The following SNCAIP variants were observed in gnomAD, a reference collection of about 807,000 sequenced individuals.
The protein encoded by SNCAIP is synuclein alpha interacting protein.
Under a neutral mutation model 86.7 loss-of-function variants are expected in SNCAIP, and 43 were observed. The ratio of observed to expected loss-of-function variants is 0.50; its 90% CI spans 0.39 to 0.64. The LOEUF is 0.64. SNCAIP is among the 30% of genes least tolerant of loss of function. The pLI is 0.00. For synonymous variants in SNCAIP, 417 were observed against 427.2 expected (o/e 0.98, Z 0.29); for missense variants, 981 against 1,103.1 (o/e 0.89, Z 1.57).
At chr5:122,317,898 T>C (rs1469825360) in intron 1 of SNCAIP, among the ~76,000 whole-genome samples, 1 of 152,038 alleles carries the variant, frequency 6.6e-6, no homozygotes, top group African/African-American at 2.4e-5. Context: ...TCCTTTCATG[T>C]TTCACTCTTC....
At chr5:122,374,148 A>G (rs1374014687) in intron 1 of SNCAIP, among the ~76,000 whole-genome samples, 2 of 152,130 alleles carry the variant, frequency 1.3e-5, no homozygotes, top group Non-Finnish European at 2.9e-5. Flanking sequence ...TCCTCCTTTC[A>G]GAGAGAAAGA....
intron 10 of SNCAIP, chr5:122,454,383 C>T (rs1189140498): frequency 6.6e-6 from 1 of 152,650 alleles, no homozygotes; most frequent in Non-Finnish European, 1.5e-5. Context: ...AACCTTGGAG[C>T]TTCAATATTT....
At chr5:122,380,331 C>G (rs368409490) in intron 1 of SNCAIP, among the ~76,000 whole-genome samples, 4 of 152,182 alleles carry the variant, frequency 2.6e-5, no homozygotes, top group East Asian at 1.9e-4. Context: ...TTTGCATAGA[C>G]GTGTTTGTAG....
At chr5:122,361,291 G>T (rs921316232) in intron 1 of SNCAIP, among the ~76,000 whole-genome samples, 4 of 151,714 alleles carry the variant, frequency 2.6e-5, no homozygotes, top group Non-Finnish European at 5.9e-5. Context: ...CATCTTTGCT[G>T]ATATCTTTCT....
intron 1 of SNCAIP, among the ~76,000 whole-genome samples, chr5:122,380,267 G>C (rs1472281473): frequency 6.6e-6 from 1 of 152,118 alleles, no homozygotes; most frequent in African/African-American, 2.4e-5. Flanking sequence ...GTTTATTCTT[G>C]GGAGAGTGTA....
chr5:122,386,510 G>A lies in SNCAIP; in HGVS notation c.-46-4579G>A, dbSNP rs772157792. Among the ~76,000 whole-genome samples, 50 of 152,200 alleles carry A rather than the reference G, an allele frequency of 3.3e-4. 1 individual carries two copies. The highest frequency in any genetic ancestry group is 4.4e-4 in the Non-Finnish European group (30 of 68,036). ...TATCAAAACTCTGTGAGAGTAGGAA[G>A]AGTCCTACAAACATTGAGTGTAGTT... On this transcript the variant is annotated intron_variant, in intron 1 of 10. Coordinates refer to ENST00000261368, the MANE Select transcript of SNCAIP (RefSeq NM_005460.4).
intron 7 of SNCAIP, among the ~76,000 whole-genome samples, chr5:122,442,830 T>C (rs1490288015): frequency 6.6e-6 from 1 of 152,118 alleles, no homozygotes; most frequent in Non-Finnish European, 1.5e-5. Flanking sequence ...ACACAAATGA[T>C]ATTTTTGGCA....
chr5:122,380,753 T>C (rs1338411957), intron 1 of SNCAIP, among the ~76,000 whole-genome samples: 1 of 151,832 alleles, frequency 6.6e-6, no homozygotes, highest in East Asian at 1.9e-4. Context: ...TTTGTTCTCG[T>C]TGGTTTCAAA....
intron 1 of SNCAIP, among the ~76,000 whole-genome samples, chr5:122,386,074 T>C (rs1718692262): frequency 1.3e-5 from 2 of 152,194 alleles, no homozygotes; most frequent in South Asian, 4.1e-4. Context: ...CACACCAGAA[T>C]GCATACACTA....
At chr5:122,383,598 T>C (rs936458498) in intron 1 of SNCAIP, 2 of 152,374 alleles carry the variant, frequency 1.3e-5, no homozygotes, top group African/African-American at 4.8e-5. Context: ...AAAATATGTA[T>C]ATCTGCCCTA....
intron 1 of SNCAIP, among the ~76,000 whole-genome samples, chr5:122,344,300 G>T (rs1474782360): frequency 1.3e-5 from 2 of 152,172 alleles, no homozygotes; most frequent in African/African-American, 4.8e-5. Flanking sequence ...AAGATAGATT[G>T]AGGATATTAA....
intron 1 of SNCAIP, among the ~76,000 whole-genome samples, chr5:122,325,512 A>G (rs144327987): frequency 7.1e-4 from 108 of 152,280 alleles, no homozygotes; most frequent in Non-Finnish European, 1.3e-3. Context: ...AGAGTACTAC[A>G]TCATTGCTTG....
At chr5:122,380,685 T>C (rs1268076053) in intron 1 of SNCAIP, among the ~76,000 whole-genome samples, 12 of 149,688 alleles carry the variant, frequency 8.0e-5, no homozygotes, top group African/African-American at 1.2e-4. Context: ...TTTAGTGCTA[T>C]AAATTTCCCT....
At chr5:122,337,226 A>G (rs753743052) in intron 1 of SNCAIP, among the ~76,000 whole-genome samples, 11 of 152,192 alleles carry the variant, frequency 7.2e-5, no homozygotes, top group Non-Finnish European at 1.5e-4. Context: ...ATCCTACGTA[A>G]TAATCATTTT....
At chr5:122,344,798 C>T (rs952772964) in intron 1 of SNCAIP, among the ~76,000 whole-genome samples, 1 of 152,086 alleles carries the variant, frequency 6.6e-6, no homozygotes, top group African/African-American at 2.4e-5. Flanking sequence ...TCAAATCTTT[C>T]TTGATTTATA....
At chr5:122,438,383 A>C (rs1780012518) in intron 6 of SNCAIP, among the ~76,000 whole-genome samples, 1 of 152,046 alleles carries the variant, frequency 6.6e-6, no homozygotes, top group Admixed American at 6.6e-5. Flanking sequence ...GTGTGAGTGC[A>C]CCCTGTGTTA....
At chr5:122,413,554 A>G (rs1397664508) in intron 3 of SNCAIP, among the ~76,000 whole-genome samples, 5 of 152,076 alleles carry the variant, frequency 3.3e-5, no homozygotes, top group Non-Finnish European at 7.3e-5. Flanking sequence ...TACTTGCATC[A>G]TTGTCTGAGC....
At chr5:122,439,809 T>C (rs531349322) in intron 6 of SNCAIP, among the ~76,000 whole-genome samples, 2 of 152,328 alleles carry the variant, frequency 1.3e-5, no homozygotes, top group Admixed American at 1.3e-4. Flanking sequence ...TAATCTTCTA[T>C]TTTAAAACAG....
chr5:122,344,329 AAAAT>A (rs1266336553), intron 1 of SNCAIP, among the ~76,000 whole-genome samples: 1 of 152,242 alleles, frequency 6.6e-6, no homozygotes, highest in Non-Finnish European at 1.5e-5. Flanking sequence ...AACATAGCTG[AAAAT>A]AAATAGTTGA....
Sources: allele counts gnomAD v4.1 joint callset (sites outside exome capture counted in the v4.1 genomes callset), GRCh38; gene constraint gnomAD v4.1.1; transcripts MANE v1.5; gene names NCBI Gene and HGNC (gene_info 2026-07-23, HGNC 2026-07-21).